Variants in CBLL1 observed in about 807,000 individuals in gnomAD.
CBLL1 encodes E3 ubiquitin-protein ligase Hakai.
A neutral mutation model predicts 44.9 loss-of-function variants in CBLL1; 4 were observed. That is an observed-to-expected ratio of 0.09 (90% CI 0.04 to 0.20). The LOEUF (loss-of-function observed/expected upper bound fraction) is 0.20. CBLL1 is among the 10% of genes least tolerant of loss of function. The pLI, the probability that CBLL1 is intolerant of heterozygous loss-of-function variation, is 1.00. For missense variants in CBLL1, 569 were observed against 636.7 expected (o/e 0.89, Z 1.14); for synonymous variants, 235 against 202.2 (o/e 1.16, Z -1.38).
At chr7:107,756,235 C>T (rs1388308244) in intron 5 of CBLL1, among the ~76,000 whole-genome samples, 1 of 152,122 alleles carries the variant, frequency 6.6e-6, no homozygotes, top group East Asian at 1.9e-4. Flanking sequence ...TCTTAGATCA[C>T]TTATAACCTG....
At chr7:107,744,282 G>T in intron 1 of CBLL1, 106 bp downstream of exon 1, 1 of 1,290,204 alleles carries the variant, frequency 7.8e-7, no homozygotes, top group Non-Finnish European at 1.0e-6. Flanking sequence ...ACAACACTAG[G>T]GTGTGGCAGT....
At chr7:107,754,797 A>T (rs34706296) in intron 4 of CBLL1, among the ~76,000 whole-genome samples, 1 of 152,098 alleles carries the variant, frequency 6.6e-6, no homozygotes, top group Non-Finnish European at 1.5e-5. Flanking sequence ...TAAAAAAAAA[A>T]CACACATAAT....
chr7:107,750,665 G>C (rs1793244063), intron 2 of CBLL1, among the ~76,000 whole-genome samples: 1 of 152,128 alleles, frequency 6.6e-6, no homozygotes, highest in South Asian at 2.1e-4. Context: ...GACATTATTT[G>C]AAAGGCCTTC....
In CBLL1 at chr7:107,749,010, A is replaced by G; in HGVS notation, c.144A>G (p.Ile48Met). Reference protein sequence around the residue: ...AKPAPRTQRTINRMPAKAPPG... With the variant: ...AKPAPRTQRTMNRMPAKAPPG... ...CTGCACCGCGAACTCAAAGAACTATAAACAGGATGCCTGCAAAGGCTCCAC... is the reference window on the plus strand; with the variant it reads ...CTGCACCGCGAACTCAAAGAACTATGAACAGGATGCCTGCAAAGGCTCCAC... Residue 48 changes from isoleucine (I) to methionine (M), a missense_variant, in exon 2 of 6, where the codon ATA (isoleucine) becomes ATG (methionine). By Grantham distance (10) the Ile-to-Met change is conservative. Transcript: ENST00000440859. 6.2e-7 allele frequency: 1 copy of G among 1,614,204 alleles called. No individual in the cohort carries two copies. The highest frequency in any genetic ancestry group is 1.1e-5 in the South Asian group (1 of 91,080).
rs774546762 is a variant in CBLL1, at chr7:107,758,658, A to G, written c.956A>G (p.His319Arg). 2.5e-6 allele frequency: 4 copies of G among 1,614,024 alleles called. No individual in the cohort carries two copies. In the East Asian group the frequency reaches 6.7e-5, roughly 27 times the overall value. ...PPPAPAPAHH[H>R]PEYQGQPVVS... ...CCTGCCCCAGCACCTGCTCACCATC[A>G]TCCTGAATATCAGGGTCAACCAGTG... Residue 319 changes from histidine to arginine, a missense_variant, in exon 6 of 6, where the codon CAT becomes CGT. His to Arg is a conservative substitution (Grantham distance 29). Around this residue, in one of 5 missense-constraint regions of CBLL1, gnomAD observed 228 missense variants for 253.2 expected, o/e 0.90. Transcript: ENST00000440859. This position sits in a 1 kb window ranked among gnomAD's most constrained non-coding sequence, Gnocchi z 4.2.
chr7:107,759,009 A>G lies in CBLL1; in HGVS notation c.1307A>G (p.Gln436Arg). The change falls in exon 6 of 6, where the codon CAA (glutamine) becomes CGA (arginine). Residue 436 changes from glutamine (Q) to arginine (R), a missense_variant. Gln to Arg is a conservative substitution (Grantham distance 43). Transcript: ENST00000440859. The stretch of plus-strand genomic sequence containing the variant: ...TCATTACCCCAGTTCACTGAAGATC[A>G]AGGAACTCTGAGCCCTCCATTTACA... Reference protein sequence around the residue: ...PNSLPQFTEDQGTLSPPFTQP... With the variant: ...PNSLPQFTEDRGTLSPPFTQP... 1 of 1,613,980 alleles carries G rather than the reference A, an allele frequency of 6.2e-7. No homozygotes were observed. The highest frequency in any genetic ancestry group is 8.5e-7 in the Non-Finnish European group (1 of 1,179,982).
chr7:107,753,362 T>A, intron 2 of CBLL1, 49 bp from the exon 3 acceptor site: 1 of 1,300,410 alleles, frequency 7.7e-7, no homozygotes, highest in Non-Finnish European at 1.1e-6. Flanking sequence ...GCTTCCAAAA[T>A]GAAATTTGAG....
chr7:107,751,739 C>G (rs796177834), intron 2 of CBLL1, among the ~76,000 whole-genome samples: 2 of 152,174 alleles, frequency 1.3e-5, no homozygotes, highest in African/African-American at 4.8e-5. Flanking sequence ...CTCTCCTTTC[C>G]CTCTCGGATT....
At chr7:107,752,585 A>T in intron 2 of CBLL1, 1 of 1,289,294 alleles carries the variant, frequency 7.8e-7, no homozygotes, top group Non-Finnish European at 1.0e-6. Context: ...GGCTCCTTGG[A>T]GGGATATATT....
At chr7:107,755,392 T>A in intron 4 of CBLL1, 26 bp from the exon 5 acceptor site, 1 of 1,388,904 alleles carries the variant, frequency 7.2e-7, no homozygotes, top group South Asian at 1.4e-5. Flanking sequence ...CTAATATGCT[T>A]AACTGTAATA....
Position 107,760,740 on chromosome 7 carries a change from G to T in CBLL1, c.*1562G>T, listed in dbSNP as rs1793730618. 6.6e-6 allele frequency: 1 copy of T among 152,122 alleles called. No homozygotes were observed. Among genetic ancestry groups the T allele is most frequent in the Non-Finnish European group, 1.5e-5 (1 of 67,898 alleles). The allele number at this position is 152,122 out of a possible 1,614,324, so 9.4% of individuals were successfully genotyped here. On this transcript the variant is annotated 3_prime_UTR_variant, in exon 6 of 6. Coordinates refer to ENST00000440859, the MANE Select transcript of CBLL1 (RefSeq NM_024814.4). ...TAGAACATACTTCTTTTGACAAAGG[G>T]TGATCTGATTGCTAATTTACCATTT...
At chr7:107,754,061 TTAATGAC>T in intron 4 of CBLL1, 83 bp downstream of exon 4, 1 of 789,822 alleles carries the variant, frequency 1.3e-6, no homozygotes, top group Non-Finnish European at 1.9e-6. Flanking sequence ...TTATCATTGT[TTAATGAC>T]TAAGTTTGCA....
intron 4 of CBLL1, among the ~76,000 whole-genome samples, chr7:107,754,661 C>T (rs1395538996): frequency 2.0e-5 from 3 of 152,178 alleles, no homozygotes; most frequent in East Asian, 1.9e-4. Context: ...ATGTATCCTT[C>T]TGATTGATTT....
rs1562865602 is a variant in CBLL1, at chr7:107,758,049, ACAGT to A, written c.441-91_441-88del. On this transcript the variant is annotated intron_variant, in intron 5 of 5. Coordinates refer to ENST00000440859, the MANE Select transcript of CBLL1 (RefSeq NM_024814.4). The surrounding 1 kb of genome is among the most constrained non-coding windows in gnomAD (Gnocchi z 4.2). Reference sequence around the variant, plus strand: ...GTGGACTTTTGCTATGTTTTATGTAACAGTCAAATTTTAAAAACAAGCATATTTT... The same window carrying A: ...GTGGACTTTTGCTATGTTTTATGTAACAAATTTTAAAAACAAGCATATTTT... The A allele has an allele frequency of 8.9e-7, 1 of 1,126,158 alleles. No homozygotes were observed. Among genetic ancestry groups the A allele is most frequent in the Non-Finnish European group, 1.2e-6 (1 of 804,664 alleles). 69.8% of individuals were successfully genotyped at this position (1,126,158 alleles called of 1,614,324 possible).
chr7:107,752,696 A>G (rs952379506), intron 2 of CBLL1: 4 of 692,216 alleles, frequency 5.8e-6, no homozygotes, highest in Admixed American at 3.6e-5. Flanking sequence ...GAAGATTGCC[A>G]TCAACTTTTT....
At chr7:107,744,508 A>G (rs533618476) in intron 1 of CBLL1, 2 of 342,892 alleles carry the variant, frequency 5.8e-6, no homozygotes, top group South Asian at 1.1e-4. Flanking sequence ...GGCCTACGTT[A>G]TGGAGACTGG....
chr7:107,751,200 C>T (rs1028036528), intron 2 of CBLL1, among the ~76,000 whole-genome samples: 27 of 152,106 alleles, frequency 1.8e-4, no homozygotes, highest in African/African-American at 6.5e-4. Context: ...GTAAGGAGCA[C>T]CAACCTAGAT....
rs537259600 is a variant in CBLL1 at position 107,759,242 on chromosome 7, C to T, written c.*64C>T. 2 of 1,404,258 alleles carry T rather than the reference C, an allele frequency of 1.4e-6. No homozygotes were observed. The highest frequency in any genetic ancestry group is 2.0e-4 in the Middle Eastern group (1 of 4,952). 87.0% of individuals were successfully genotyped at this position (1,404,258 alleles called of 1,614,324 possible). On this transcript the variant is annotated 3_prime_UTR_variant, in exon 6 of 6. Coordinates refer to ENST00000440859, the MANE Select transcript of CBLL1 (RefSeq NM_024814.4). ...ACTTATGTGTAGTCAATCTTTTAAG[C>T]TTTGACTGTTTTGGGAAGGAAGAGT... is the stretch of plus-strand genomic sequence containing the variant.
intron 1 of CBLL1, among the ~76,000 whole-genome samples, chr7:107,746,695 A>G (rs117451598): frequency 2.1e-3 from 316 of 152,324 alleles, no homozygotes; most frequent in Non-Finnish European, 3.5e-3. Flanking sequence ...AAACCCTTGA[A>G]CATTATGCAA....
Sources: gnomAD v4.1 joint callset for allele counts (sites outside exome capture counted in the v4.1 genomes callset) on GRCh38, gnomAD v4.1.1 for gene constraint, gnomAD v4.1.1 regional missense constraint, Gnocchi (gnomAD v3.1) non-coding constraint, MANE v1.5 for transcripts, NCBI Gene and HGNC (gene_info 2026-07-23, HGNC 2026-07-21) for gene names.